The following NRG3 variants were observed in gnomAD, a reference collection of about 807,000 sequenced individuals.
NRG3 encodes the protein pro-neuregulin-3, membrane-bound isoform.
In NRG3, 31 loss-of-function variants were observed where a neutral mutation model predicts 66.9. The ratio of observed to expected loss-of-function variants is 0.46; its 90% CI spans 0.35 to 0.63. The LOEUF (loss-of-function observed/expected upper bound fraction) is 0.63, where lower values mean the gene tolerates loss of function less well. Ranked by LOEUF, NRG3 falls within the 20% of genes least tolerant of loss-of-function variation. The probability of loss-of-function intolerance (pLI) is 0.00; values close to 1 mark genes in which losing one functional copy is unlikely to be tolerated. For synonymous variants in NRG3, 393 were observed against 359.4 expected, an observed-to-expected ratio of 1.09 and a Z score of -1.06; for missense variants, 910 against 878.9, an observed-to-expected ratio of 1.04 and a Z score of -0.45.
At position 82,059,202 on chromosome 10, in the gene NRG3, C is replaced by A. The variant is rs534554266; in HGVS notation, c.823+183039C>A. On this transcript the variant is annotated intron_variant, in intron 1 of 8. Coordinates refer to ENST00000372141, the MANE Select transcript of NRG3 (RefSeq NM_001010848.4). ...GTTTGAAACTGTGGAATAATGTGAT[C>A]AAATCTGTATTTTTTGAACAACATC... 2.7e-3 allele frequency among the ~76,000 whole-genome samples: 409 copies of A among 152,252 alleles called. 3 individuals are homozygous for A. The highest frequency in any genetic ancestry group is 9.3e-3 in the African/African-American group (385 of 41,540).
chr10:82,829,579 G>T (rs1478008820), intron 3 of NRG3, among the ~76,000 whole-genome samples: 1 of 152,090 alleles, frequency 6.6e-6, no homozygotes, highest in African/African-American at 2.4e-5. Flanking sequence ...GAGGTAGTAA[G>T]AACTAGGGAA....
At chr10:82,299,004 G>C (rs1012163493) in intron 1 of NRG3, among the ~76,000 whole-genome samples, 3 of 152,128 alleles carry the variant, frequency 2.0e-5, no homozygotes, top group African/African-American at 7.2e-5. Flanking sequence ...AGTGTTCAGA[G>C]AGATGGAGGC....
rs533225050 is a variant in NRG3 at position 82,303,378 on chromosome 10, C to A, written c.824-55361C>A. Among the ~76,000 whole-genome samples the A allele has an allele frequency of 4.7e-5, 7 of 149,726 alleles. No homozygotes were observed. The East Asian group carries it at 1.4e-3, about 29-fold the overall frequency. ...ACACACGGAAGGACACACAACCTAC[C>A]ACTCTTCCCCCTTATCCTCTCCAAT... On this transcript the variant is annotated intron_variant, in intron 1 of 8. Transcript: ENST00000372141.
chr10:81,955,583 T>A (rs1849752188), intron 1 of NRG3, among the ~76,000 whole-genome samples: 1 of 152,174 alleles, frequency 6.6e-6, no homozygotes, highest in South Asian at 2.1e-4. Context: ...TCACTAGATT[T>A]CATTACAGCA....
intron 4 of NRG3, among the ~76,000 whole-genome samples, chr10:82,920,688 G>A (rs1433919320): frequency 6.6e-6 from 1 of 152,054 alleles, no homozygotes; most frequent in African/African-American, 2.4e-5. Context: ...AAGATGAGCT[G>A]GAGCAGCTTG....
At chr10:82,411,241 A>G (rs1304757508) in intron 2 of NRG3, among the ~76,000 whole-genome samples, 2 of 152,080 alleles carry the variant, frequency 1.3e-5, no homozygotes, top group Non-Finnish European at 1.5e-5. Flanking sequence ...TTTTTACTTG[A>G]TATTTATAAG....
chr10:82,687,598 G>C (rs913830112), intron 2 of NRG3, among the ~76,000 whole-genome samples: 4 of 152,160 alleles, frequency 2.6e-5, no homozygotes, highest in Admixed American at 6.5e-5. Flanking sequence ...GAAGATAGAA[G>C]AGGGTGCTGC....
At chr10:81,937,782 C>T (rs1848018214) in intron 1 of NRG3, among the ~76,000 whole-genome samples, 1 of 152,038 alleles carries the variant, frequency 6.6e-6, no homozygotes. Context: ...ACTATTGCTG[C>T]CTGTGCTTTT....
intron 1 of NRG3, among the ~76,000 whole-genome samples, chr10:82,347,770 A>G (rs2083129707): frequency 6.6e-6 from 1 of 152,158 alleles, no homozygotes; most frequent in Admixed American, 6.5e-5. Context: ...GTGCATATAT[A>G]TTTAGGATAG....
At chr10:82,948,565 A>G (rs898045663) in intron 4 of NRG3, among the ~76,000 whole-genome samples, 1 of 152,142 alleles carries the variant, frequency 6.6e-6, no homozygotes, top group Non-Finnish European at 1.5e-5. Flanking sequence ...CTTCTAATCC[A>G]TAAACATGTT....
chr10:82,299,051 C>A (rs1325018874), intron 1 of NRG3, among the ~76,000 whole-genome samples: 3 of 152,092 alleles, frequency 2.0e-5, no homozygotes, highest in Admixed American at 2.0e-4. Flanking sequence ...ATATTGAGAT[C>A]CAGTGACATG....
At chr10:82,510,213 T>C (rs1310291955) in intron 2 of NRG3, among the ~76,000 whole-genome samples, 2 of 152,206 alleles carry the variant, frequency 1.3e-5, no homozygotes, top group Non-Finnish European at 2.9e-5. Context: ...TCCAATGATA[T>C]CTATTTCACA....
chr10:82,332,499 A>G (rs1330134958), intron 1 of NRG3, among the ~76,000 whole-genome samples: 1 of 152,150 alleles, frequency 6.6e-6, no homozygotes, highest in East Asian at 1.9e-4. Context: ...CCAGGGGAAG[A>G]AATCCTTTTG....
intron 1 of NRG3, among the ~76,000 whole-genome samples, chr10:81,895,373 T>G (rs1318669133): frequency 3.3e-5 from 5 of 152,150 alleles, no homozygotes; most frequent in African/African-American, 1.2e-4. Context: ...AACTGATAGA[T>G]CTGCATACTC....
chr10:82,620,111 G>C (rs2133599945), intron 2 of NRG3, among the ~76,000 whole-genome samples: 1 of 152,246 alleles, frequency 6.6e-6, no homozygotes, highest in African/African-American at 2.4e-5. Flanking sequence ...TGCCTAGGTG[G>C]GGGTGCCTGC....
chr10:82,609,354 G>A (rs922552110), intron 2 of NRG3, among the ~76,000 whole-genome samples: 2 of 152,064 alleles, frequency 1.3e-5, no homozygotes, highest in African/African-American at 4.8e-5. Context: ...GCACTGATTT[G>A]GTATGTAGCT....
chr10:82,804,845 A>C (rs1005577689), intron 3 of NRG3, among the ~76,000 whole-genome samples: 1 of 152,168 alleles, frequency 6.6e-6, no homozygotes, highest in African/African-American at 2.4e-5. Flanking sequence ...GAAGGTACAC[A>C]TTCTCAAATT....
chr10:82,815,050 A>C (rs766162950), intron 3 of NRG3, among the ~76,000 whole-genome samples: 5 of 152,216 alleles, frequency 3.3e-5, no homozygotes, highest in Non-Finnish European at 5.9e-5. Flanking sequence ...TGTTGCTCTG[A>C]GAGTGTGCAT....
chr10:82,384,403 T>TG (rs1329806162), intron 2 of NRG3, among the ~76,000 whole-genome samples: 1 of 152,194 alleles, frequency 6.6e-6, no homozygotes, highest in East Asian at 1.9e-4. Context: ...ATCCATTAGC[T>TG]ATTCTTCCTG....
Sources: gnomAD v4.1 joint callset for allele counts (sites outside exome capture counted in the v4.1 genomes callset) on GRCh38, gnomAD v4.1.1 for gene constraint, MANE v1.5 for transcripts, NCBI Gene and HGNC (gene_info 2026-07-23, HGNC 2026-07-21) for gene names.